Variants in CSMD3 observed in about 807,000 individuals in gnomAD.
The protein encoded by CSMD3 is CUB and sushi domain-containing protein 3.
A neutral mutation model predicts 435.2 loss-of-function variants in CSMD3; 177 were observed. The observed-to-expected ratio is 0.41, with a 90% CI of 0.36 to 0.46. The LOEUF (loss-of-function observed/expected upper bound fraction) is 0.46. Ranked by LOEUF, CSMD3 falls within the 20% of genes least tolerant of loss-of-function variation. CSMD3 has a pLI of 0.34. For synonymous variants in CSMD3, 1,656 were observed against 1,520.5 expected, an observed-to-expected ratio of 1.09 and a Z score of -2.07; for missense variants, 4,265 against 4,504.6, an observed-to-expected ratio of 0.95 and a Z score of 1.52.
At chr8:113,050,335 C>A (rs111925331) in intron 5 of CSMD3, among the ~76,000 whole-genome samples, 17 of 151,890 alleles carry the variant, frequency 1.1e-4, no homozygotes, top group African/African-American at 4.1e-4. Flanking sequence ...ACTTTTAAAC[C>A]TATCACATTT....
chr8:112,443,784 C>T (rs1191653141), intron 32 of CSMD3, among the ~76,000 whole-genome samples: 1 of 151,816 alleles, frequency 6.6e-6, no homozygotes, highest in Non-Finnish European at 1.5e-5. Flanking sequence ...TGGCAAAATG[C>T]CTGGCCCTTA....
chr8:112,709,814 G>C (rs1464355352), intron 13 of CSMD3, among the ~76,000 whole-genome samples: 2 of 152,044 alleles, frequency 1.3e-5, no homozygotes, highest in African/African-American at 4.8e-5. Context: ...TTTAGGGTTA[G>C]GGTTAGTGTT....
intron 3 of CSMD3, among the ~76,000 whole-genome samples, chr8:113,180,853 T>C (rs986391266): frequency 9.9e-5 from 15 of 151,946 alleles, no homozygotes; most frequent in African/African-American, 3.1e-4. Flanking sequence ...CTGTAAGCCA[T>C]TTCCTTTCCA....
chr8:113,102,727 TAA>T (rs1249101617), intron 4 of CSMD3, among the ~76,000 whole-genome samples: 2 of 152,002 alleles, frequency 1.3e-5, no homozygotes, highest in African/African-American at 4.8e-5. Flanking sequence ...TTTACCAAGG[TAA>T]TGGGCCTGTG....
At chr8:113,161,630 T>G (rs1588177965) in intron 4 of CSMD3, among the ~76,000 whole-genome samples, 1 of 152,100 alleles carries the variant, frequency 6.6e-6, no homozygotes, top group Non-Finnish European at 1.5e-5. Flanking sequence ...CTTTTTATGA[T>G]AGATACTTTT....
intron 14 of CSMD3, among the ~76,000 whole-genome samples, chr8:112,689,053 C>G (rs984686160): frequency 3.9e-5 from 6 of 152,042 alleles, no homozygotes; most frequent in African/African-American, 1.4e-4. Context: ...ATCAGATCCT[C>G]CTAATATATT....
intron 3 of CSMD3, among the ~76,000 whole-genome samples, chr8:113,182,210 C>T (rs1277130872): frequency 6.6e-6 from 1 of 151,776 alleles, no homozygotes; most frequent in Non-Finnish European, 1.5e-5. Context: ...TTTTAAAAAA[C>T]AATTTTAACT....
chr8:112,871,838 G>A (rs549469574), intron 10 of CSMD3, among the ~76,000 whole-genome samples: 1 of 152,068 alleles, frequency 6.6e-6, no homozygotes, highest in Non-Finnish European at 1.5e-5. Flanking sequence ...ACTACATTAT[G>A]GTGAAATGAA....
At chr8:113,128,553 AGAAG>A (rs1217641327) in intron 4 of CSMD3, among the ~76,000 whole-genome samples, 10 of 152,046 alleles carry the variant, frequency 6.6e-5, no homozygotes, top group Non-Finnish European at 4.4e-5. Flanking sequence ...AATTATACAG[AGAAG>A]GAAGACCTAG....
At chr8:113,246,955 C>T (rs941760718) in intron 3 of CSMD3, among the ~76,000 whole-genome samples, 5 of 152,176 alleles carry the variant, frequency 3.3e-5, no homozygotes, top group African/African-American at 1.2e-4. Flanking sequence ...CAATGTCAGA[C>T]TCTGCCTTAG....
intron 3 of CSMD3, among the ~76,000 whole-genome samples, chr8:113,227,099 C>T (rs1333350399): frequency 6.6e-6 from 1 of 151,420 alleles, no homozygotes; most frequent in African/African-American, 2.4e-5. Flanking sequence ...TTTGTACACA[C>T]TTTCCACAAC....
chr8:113,279,771 A>T (rs965557838), intron 2 of CSMD3, among the ~76,000 whole-genome samples: 2 of 151,810 alleles, frequency 1.3e-5, no homozygotes, highest in African/African-American at 4.8e-5. Flanking sequence ...AATTGATTTA[A>T]AAATAAACTC....
intron 22 of CSMD3, among the ~76,000 whole-genome samples, chr8:112,619,680 T>C (rs1292673276): frequency 6.6e-6 from 1 of 152,104 alleles, no homozygotes. Context: ...AGCTACTCAG[T>C]TTGCACATTG....
chr8:112,643,336 G>A (rs1327066960), intron 20 of CSMD3, among the ~76,000 whole-genome samples: 1 of 152,116 alleles, frequency 6.6e-6, no homozygotes, highest in African/African-American at 2.4e-5. Flanking sequence ...ACCATACGGA[G>A]AAGCTAGTTT....
At chr8:112,922,344 A>G (rs2082770155) in intron 9 of CSMD3, among the ~76,000 whole-genome samples, 1 of 151,984 alleles carries the variant, frequency 6.6e-6, no homozygotes, top group East Asian at 1.9e-4. Flanking sequence ...CCCCTCATGA[A>G]TTTATCCTTT....
At chr8:112,530,218 G>T (rs1825389108) in intron 27 of CSMD3, among the ~76,000 whole-genome samples, 1 of 151,978 alleles carries the variant, frequency 6.6e-6, no homozygotes, top group African/African-American at 2.4e-5. Context: ...AAGAGAAAAA[G>T]AAAAACAGGA....
chr8:112,348,457 T>C (rs1825861324), intron 40 of CSMD3, among the ~76,000 whole-genome samples: 1 of 152,228 alleles, frequency 6.6e-6, no homozygotes, highest in African/African-American at 2.4e-5. Context: ...ACTAGTGTTT[T>C]AAGACATTCG....
chr8:113,055,964 A>G (rs1055531901), intron 5 of CSMD3, among the ~76,000 whole-genome samples: 1 of 152,198 alleles, frequency 6.6e-6, no homozygotes, highest in African/African-American at 2.4e-5. Flanking sequence ...GGTGAAGAGG[A>G]TAAGATGAGA....
At chr8:113,232,362 A>G (rs1195547493) in intron 3 of CSMD3, among the ~76,000 whole-genome samples, 1 of 151,496 alleles carries the variant, frequency 6.6e-6, no homozygotes, top group Non-Finnish European at 1.5e-5. Context: ...TCTCTTTTCC[A>G]CTGTTTGGAG....
Sources: gnomAD v4.1 joint callset for allele counts (sites outside exome capture counted in the v4.1 genomes callset) on GRCh38, gnomAD v4.1.1 for gene constraint, MANE v1.5 for transcripts, NCBI Gene and HGNC (gene_info 2026-07-23, HGNC 2026-07-21) for gene names.